CENPK: variants seen among roughly 807,000 people sequenced by gnomAD.
CENPK encodes the protein centromere protein K, also known as SoxLZ/Sox6-binding protein Solt.
CENPK carries 46 observed loss-of-function variants against 40.9 expected under a neutral mutation model. The ratio of observed to expected loss-of-function variants is 1.13; its 90% CI spans 0.89 to 1.44. The LOEUF (loss-of-function observed/expected upper bound fraction) is 1.44. CENPK is among the 40% of genes most tolerant of loss of function. The pLI is 0.00. For synonymous variants in CENPK, 107 were observed against 104.4 expected (o/e 1.02, Z -0.15); for missense variants, 288 against 303.5 (o/e 0.95, Z 0.38).
rs1159012816 is a variant in CENPK at position 65,522,427 on chromosome 5, TTTTC to T, written c.598-903_598-900del. Among the ~76,000 whole-genome samples the T allele has an allele frequency of 3.9e-5, 6 of 152,112 alleles. 1 individual carries two copies. Among genetic ancestry groups the T allele is most frequent in the Admixed American group, 2.0e-4 (3 of 15,262 alleles). On this transcript the variant is annotated intron_variant, in intron 9 of 10. Coordinates refer to ENST00000396679, the MANE Select transcript of CENPK (RefSeq NM_022145.5). ...AATCACCATTTGTTTCTTCAATTATTTTTCTTTTTCTTTTTTTTGGAGACAGGGT... is the reference window on the plus strand; with the variant it reads ...AATCACCATTTGTTTCTTCAATTATTTTTTTCTTTTTTTTGGAGACAGGGT...
chr5:65,532,526 CAATA>C (rs1289456973), intron 6 of CENPK, among the ~76,000 whole-genome samples: 1 of 151,956 alleles, frequency 6.6e-6, no homozygotes, highest in Non-Finnish European at 1.5e-5. Context: ...TTAAATTCAG[CAATA>C]AATAAGAAAG....
chr5:65,544,668 G>A (rs1270381790), intron 5 of CENPK, among the ~76,000 whole-genome samples: 4 of 152,052 alleles, frequency 2.6e-5, no homozygotes, highest in East Asian at 1.9e-4. Context: ...GCAAACTGTG[G>A]TATATACATA....
chr5:65,498,699 C>T, the CENPK span, among the ~76,000 whole-genome samples: 12 of 149,010 alleles, frequency 8.1e-5, no homozygotes, highest in African/African-American at 3.0e-4. Context: ...TCACTCCACC[C>T]AGGGTGGAGT....
chr5:65,558,485 T>A (rs186107485), intron 2 of CENPK, among the ~76,000 whole-genome samples: 43 of 152,330 alleles, frequency 2.8e-4, no homozygotes, highest in African/African-American at 1.0e-3. Context: ...AAATTCTATG[T>A]GGATTGTTTC....
At chr5:65,551,441 T>C (rs1003284386) in intron 5 of CENPK, 123 bp downstream of exon 5, 8 of 558,324 alleles carry the variant, frequency 1.4e-5, no homozygotes, top group Non-Finnish European at 2.6e-5. Flanking sequence ...GGCTTCTCGG[T>C]ATCAATGAAA....
chr5:65,558,316 A>T (rs1290381536), intron 2 of CENPK, among the ~76,000 whole-genome samples: 2 of 152,214 alleles, frequency 1.3e-5, no homozygotes, highest in Non-Finnish European at 2.9e-5. Context: ...CTAATACAAG[A>T]GAGAAAGGGG....
intron 9 of CENPK, among the ~76,000 whole-genome samples, chr5:65,525,638 T>C (rs1744563015): frequency 6.6e-6 from 1 of 152,210 alleles, no homozygotes; most frequent in South Asian, 2.1e-4. Context: ...CCCCAAAATT[T>C]ATATGTGGAA....
At chr5:65,505,453 T>C in the CENPK span, among the ~76,000 whole-genome samples, 2 of 152,160 alleles carry the variant, frequency 1.3e-5, no homozygotes, top group Non-Finnish European at 2.9e-5. Context: ...GACAACATGG[T>C]AATACCTTGT....
At chr5:65,496,816 C>T in the CENPK span, among the ~76,000 whole-genome samples, 8 of 151,624 alleles carry the variant, frequency 5.3e-5, no homozygotes, top group Admixed American at 1.3e-4. Context: ...CACTTTGGGA[C>T]GCCGAGGTAG....
the CENPK span, among the ~76,000 whole-genome samples, chr5:65,499,635 G>T: frequency 1.4e-5 from 2 of 140,912 alleles, no homozygotes; most frequent in African/African-American, 2.6e-5. Flanking sequence ...GGACTTTGAT[G>T]ACAAAAATAT....
At chr5:65,533,028 G>A (rs1746163897) in intron 6 of CENPK, among the ~76,000 whole-genome samples, 1 of 150,606 alleles carries the variant, frequency 6.6e-6, no homozygotes, top group Non-Finnish European at 1.5e-5. Context: ...TTCAGGAAGA[G>A]TAAGTGACAA....
intron 9 of CENPK, among the ~76,000 whole-genome samples, chr5:65,525,799 C>T (rs1744600632): frequency 6.6e-6 from 1 of 152,078 alleles, no homozygotes; most frequent in Non-Finnish European, 1.5e-5. Context: ...TCCTTGTGTA[C>T]ACAAAGAGCC....
chr5:65,522,284 T>A (rs771671829), intron 9 of CENPK, among the ~76,000 whole-genome samples: 7 of 152,194 alleles, frequency 4.6e-5, no homozygotes, highest in Non-Finnish European at 1.0e-4. Flanking sequence ...GCTCAACTCA[T>A]TAGTTGTTTC....
chr5:65,533,378 C>G (rs1278409927), intron 6 of CENPK, among the ~76,000 whole-genome samples: 1 of 77,856 alleles, frequency 1.3e-5, no homozygotes, highest in Non-Finnish European at 2.7e-5. Context: ...AATAAAATAA[C>G]AAAATAAAAT....
At chr5:65,527,290 C>T (rs569196562) in intron 9 of CENPK, among the ~76,000 whole-genome samples, 1 of 151,410 alleles carries the variant, frequency 6.6e-6, no homozygotes, top group African/African-American at 2.4e-5. Flanking sequence ...CAATTGGTGA[C>T]ATAGCTGAAT....
chr5:65,529,165 A>G lies in CENPK; in HGVS notation c.323T>C (p.Leu108Pro). The G allele has an allele frequency of 6.2e-7, 1 of 1,610,886 alleles. No individual in the cohort carries two copies. The highest frequency in any genetic ancestry group is 8.5e-7 in the Non-Finnish European group (1 of 1,178,028). Reference sequence around the variant, plus strand: ...TTCATTCTTTGACTCCTTAGTGGACAGTACCATTTCAAGATCTTGTCTCAG... The same window carrying G: ...TTCATTCTTTGACTCCTTAGTGGACGGTACCATTTCAAGATCTTGTCTCAG... Reference protein sequence around the residue: ...QKLRQDLEMVLSTKESKNEKL... With the variant: ...QKLRQDLEMVPSTKESKNEKL... Residue 108 changes from leucine (L) to proline (P), a missense_variant, in exon 7 of 11, where the codon CTG (leucine) becomes CCG (proline). Coordinates refer to ENST00000396679, the MANE Select transcript of CENPK (RefSeq NM_022145.5).
downstream of CENPK, among the ~76,000 whole-genome samples, chr5:65,513,227 A>C (rs1742641009): frequency 6.6e-6 from 1 of 152,208 alleles, no homozygotes; most frequent in Non-Finnish European, 1.5e-5. Flanking sequence ...GTAGCTAAAA[A>C]GTCATCGCCA....
intron 1 of CENPK, 130 bp downstream of exon 1, chr5:65,562,968 G>C (rs547228205): frequency 5.3e-6 from 1 of 187,360 alleles, no homozygotes. Flanking sequence ...GCGGGAAGCC[G>C]AGAAGAACGG....
At chr5:65,500,495 C>T in the CENPK span, among the ~76,000 whole-genome samples, 15 of 150,022 alleles carry the variant, frequency 1.0e-4, no homozygotes, top group East Asian at 2.0e-4. Flanking sequence ...TCATGTCCTT[C>T]GCCCACTTTT....
Sources: allele counts gnomAD v4.1 joint callset (sites outside exome capture counted in the v4.1 genomes callset), GRCh38; gene constraint gnomAD v4.1.1; transcripts MANE v1.5; gene names NCBI Gene and HGNC (gene_info 2026-07-23, HGNC 2026-07-21).